REPS2: variants seen among roughly 807,000 people sequenced by gnomAD.
REPS2 encodes the protein RALBP1 associated Eps domain containing 2.
In REPS2, 23 loss-of-function variants were observed where a neutral mutation model predicts 53.6. The ratio of observed to expected loss-of-function variants is 0.43; its 90% CI spans 0.31 to 0.61. The LOEUF (loss-of-function observed/expected upper bound fraction) is 0.61, where lower values mean the gene tolerates loss of function less well. REPS2 is among the 20% of genes least tolerant of loss of function. REPS2 has a pLI of 0.11. For synonymous variants in REPS2, 238 were observed against 218.6 expected (o/e 1.09, Z -0.78); for missense variants, 446 against 534.9 (o/e 0.83, Z 1.64).
chrX:16,946,906 A>G lies in REPS2; in HGVS notation c.45A>G (p.Ala15=), dbSNP rs2060439633. The G allele has an allele frequency of 6.4e-6, 5 of 784,928 alleles. No homozygotes were observed. In the South Asian group the frequency reaches 3.3e-4, roughly 51 times the overall value. The allele number at this position is 784,928 out of a possible 1,213,427, so 64.7% of individuals were successfully genotyped here. A position where few individuals can be genotyped will look rare whatever the true frequency, so the allele number is the denominator to read the frequency against. ...CGGCGGCGGCGGCAGCGGCAGCGGC[A>G]GCGGCGGGCGGGGGCTGTGGCTCCG... ...AAAAAAAAAA[A]AAGGGCGSGP... The change falls in exon 1 of 18, where the codon GCA becomes GCG. Residue 15 remains alanine (A), a synonymous_variant. Transcript: ENST00000357277.
At chrX:17,183,866 A>G in the REPS2 span, among the ~76,000 whole-genome samples, 1 of 111,432 alleles carries the variant, frequency 9.0e-6, no homozygotes, top group Non-Finnish European at 1.9e-5. Flanking sequence ...TTTCTTGAAA[A>G]CACACCTAAC....
intron 1 of REPS2, among the ~76,000 whole-genome samples, chrX:16,973,295 TTTTCTC>T (rs1172303637): frequency 8.9e-6 from 1 of 111,950 alleles, no homozygotes; most frequent in East Asian, 2.8e-4. Flanking sequence ...AATTATTACT[TTTTCTC>T]TTTATGGTTA....
the REPS2 span, among the ~76,000 whole-genome samples, chrX:17,174,181 C>CCAG: frequency 9.0e-6 from 1 of 111,567 alleles, no homozygotes; most frequent in Non-Finnish European, 1.9e-5. Context: ...GAACTGCATC[C>CCAG]CAGCTTCTTC....
chrX:17,078,452 T>C (rs1022090429), intron 13 of REPS2, among the ~76,000 whole-genome samples: 18 of 112,147 alleles, frequency 1.6e-4, no homozygotes, highest in Admixed American at 1.5e-3. Flanking sequence ...TGGAACTCTC[T>C]ATCAAATTTA....
intron 14 of REPS2, among the ~76,000 whole-genome samples, chrX:17,115,401 C>T (rs1337086580): frequency 6.2e-5 from 7 of 112,518 alleles, no homozygotes; most frequent in Non-Finnish European, 9.4e-5. Context: ...AGCCCTAAGG[C>T]GGTTTTCCCC....
chrX:17,082,788 G>A (rs745562344), intron 13 of REPS2, among the ~76,000 whole-genome samples: 1 of 112,458 alleles, frequency 8.9e-6, no homozygotes, highest in Non-Finnish European at 1.9e-5. Flanking sequence ...GTTGCTTCTG[G>A]GCAAGGGGAA....
the REPS2 span, among the ~76,000 whole-genome samples, chrX:17,171,858 CTTGTT>C: frequency 3.6e-5 from 4 of 111,266 alleles, no homozygotes; most frequent in Admixed American, 1.9e-4. Flanking sequence ...TTCTTCTGCA[CTTGTT>C]TTAAGAATTG....
Position 17,016,807 on chromosome X carries a change from G to A in REPS2, c.398-5316G>A, listed in dbSNP as rs180939444. ...GCAAATATTCAAACATTGTGCTTGC[G>A]GGATGTACAGAAATAGGCAGCAGAC... is the stretch of plus-strand genomic sequence containing the variant. On this transcript the variant is annotated intron_variant, in intron 2 of 17. Coordinates refer to ENST00000357277, the MANE Select transcript of REPS2 (RefSeq NM_004726.3). Among the ~76,000 whole-genome samples, 413 of 98,593 alleles carry A rather than the reference G, an allele frequency of 4.2e-3. 5 individuals carry two copies. The highest frequency in any genetic ancestry group is 0.015 in the African/African-American group (404 of 26,585). 85.6% of individuals were successfully genotyped at this position (98,593 alleles called of 115,157 possible).
At chrX:16,955,868 A>G (rs1240841904) in intron 1 of REPS2, among the ~76,000 whole-genome samples, 1 of 112,317 alleles carries the variant, frequency 8.9e-6, no homozygotes, top group Non-Finnish European at 1.9e-5. Context: ...TCTGAAGTAG[A>G]AAATTATTCT....
chrX:17,079,735 A>G (rs2062430379), intron 13 of REPS2, among the ~76,000 whole-genome samples: 1 of 112,362 alleles, frequency 8.9e-6, no homozygotes, highest in Non-Finnish European at 1.9e-5. Flanking sequence ...GTACAAATTT[A>G]TACAGATGAA....
At chrX:17,193,824 A>T in the REPS2 span, among the ~76,000 whole-genome samples, 1 of 111,567 alleles carries the variant, frequency 9.0e-6, no homozygotes, top group Non-Finnish European at 1.9e-5. Context: ...ACTCACTGTC[A>T]CCTATTTATT....
intron 14 of REPS2, among the ~76,000 whole-genome samples, chrX:17,108,937 T>C (rs776690227): frequency 9.7e-6 from 1 of 102,589 alleles, no homozygotes; most frequent in African/African-American, 3.6e-5. Context: ...TTTTTTTAGC[T>C]GGCTAAAAGA....
chrX:16,946,873 A>G lies in REPS2; in HGVS notation c.12A>G (p.Ala4=), dbSNP rs1185149863. The G allele has an allele frequency of 2.3e-5, 17 of 744,903 alleles. No individual in the cohort carries two copies. The highest frequency in any genetic ancestry group is 1.6e-4 in the East Asian group (1 of 6,410). 61.4% of individuals were successfully genotyped at this position (744,903 alleles called of 1,213,427 possible). Residue 4 remains alanine (A), a synonymous_variant, in exon 1 of 18, where the codon GCA becomes GCG. Coordinates refer to ENST00000357277, the MANE Select transcript of REPS2 (RefSeq NM_004726.3). MEA[A]AAAAAAAAAA... ...CCCTTGCTGGCCCCATGGAGGCGGCAGCGGCGGCGGCGGCGGCGGCAGCGG... is the reference window on the plus strand; with the variant it reads ...CCCTTGCTGGCCCCATGGAGGCGGCGGCGGCGGCGGCGGCGGCGGCAGCGG...
intron 1 of REPS2, among the ~76,000 whole-genome samples, chrX:16,954,805 C>CTTTTTTTTTTTTTTTTTTTTTTTTTT (rs58924467): frequency 1.7e-5 from 1 of 59,335 alleles, no homozygotes; most frequent in Non-Finnish European, 2.9e-5. Flanking sequence ...TTATTTATAA[C>CTTTTTTTTTTTTTTTTTTTTTTTTTT]TTTTTTTTTT....
At chrX:17,121,480 A>C (rs1466606542) in intron 14 of REPS2, among the ~76,000 whole-genome samples, 1 of 111,994 alleles carries the variant, frequency 8.9e-6, no homozygotes, top group East Asian at 2.8e-4. Context: ...TTGCCTCTGA[A>C]TCCTTGTGTC....
intron 1 of REPS2, among the ~76,000 whole-genome samples, chrX:16,968,776 C>T (rs2060825615): frequency 9.7e-6 from 1 of 102,573 alleles, no homozygotes; most frequent in Non-Finnish European, 2.0e-5. Flanking sequence ...GGCGGCCGGG[C>T]AGAGGCGCCC....
the REPS2 span, among the ~76,000 whole-genome samples, chrX:17,182,271 A>G: frequency 9.0e-6 from 1 of 110,572 alleles, no homozygotes; most frequent in Non-Finnish European, 1.9e-5. Context: ...TGTGGCTGAC[A>G]TGTTGGAGAA....
chrX:17,101,467 A>G lies in REPS2; in HGVS notation c.1517-2251A>G, dbSNP rs181188289. 2.4e-3 allele frequency among the ~76,000 whole-genome samples: 271 copies of G among 111,607 alleles called. 1 individual carries two copies. Among genetic ancestry groups the G allele is most frequent in the African/African-American group, 7.4e-3 (229 of 30,776 alleles). On this transcript the variant is annotated intron_variant, in intron 13 of 17. Coordinates refer to ENST00000357277, the MANE Select transcript of REPS2 (RefSeq NM_004726.3). ...AATTGTGAGAAATTAAAACAATTCC[A>G]TATTAAATGGCCTCAGTCTTTTACC...
intron 4 of REPS2, among the ~76,000 whole-genome samples, chrX:17,027,578 A>G (rs2061660397): frequency 9.2e-6 from 1 of 108,213 alleles, no homozygotes; most frequent in Non-Finnish European, 1.9e-5. Context: ...GAATAGAGTC[A>G]CTCAGTTTTA....
Sources: gnomAD v4.1 joint callset for allele counts (sites outside exome capture counted in the v4.1 genomes callset) on GRCh38, gnomAD v4.1.1 for gene constraint, MANE v1.5 for transcripts, NCBI Gene and HGNC (gene_info 2026-07-23, HGNC 2026-07-21) for gene names.